The following USH2A variants were observed in gnomAD, a reference collection of about 807,000 sequenced individuals.
USH2A encodes the protein Usher syndrome 2A (autosomal recessive, mild).
In USH2A, 443 loss-of-function variants were observed where a neutral mutation model predicts 538.9. The ratio of observed to expected loss-of-function variants is 0.82; its 90% CI spans 0.76 to 0.89. The LOEUF is 0.89. USH2A is among the 40% of genes least tolerant of loss of function. USH2A has a pLI of 0.00. For missense variants in USH2A, 6,633 were observed against 6,324.8 expected (o/e 1.05, Z -1.65); for synonymous variants, 2,413 against 2,273.5 (o/e 1.06, Z -1.75).
At chr1:216,018,983 A>G (rs538042564) in intron 32 of USH2A, among the ~76,000 whole-genome samples, 79 of 152,272 alleles carry the variant, frequency 5.2e-4, no homozygotes, top group African/African-American at 1.8e-3. Flanking sequence ...ATCAATAGAT[A>G]TTTATTAAAT....
At chr1:215,695,119 T>C (rs1220630364) in intron 61 of USH2A, among the ~76,000 whole-genome samples, 2 of 152,228 alleles carry the variant, frequency 1.3e-5, no homozygotes, top group South Asian at 4.1e-4. Context: ...AGAGAGGTTA[T>C]GAGACATTCT....
chr1:216,186,032 C>G (rs572408313), intron 20 of USH2A, among the ~76,000 whole-genome samples: 1 of 151,528 alleles, frequency 6.6e-6, no homozygotes, highest in South Asian at 2.1e-4. Flanking sequence ...TCTTTTTCTG[C>G]TGGGCAGGTG....
rs915733157 is a variant in USH2A, at chr1:216,168,316, T to C, written c.4627+6936A>G. On this transcript the variant is annotated intron_variant, in intron 21 of 71. Transcript: ENST00000307340. ...TGAAGTCTTTGAAAAGATTCCAAAA[T>C]GCCAACATACTGGCAGAAAAGACAC... 4.6e-5 allele frequency among the ~76,000 whole-genome samples: 7 copies of C among 152,208 alleles called. No individual in the cohort carries two copies. The East Asian group carries it at 1.4e-3, about 29-fold the overall frequency.
intron 30 of USH2A, among the ~76,000 whole-genome samples, chr1:216,053,728 T>A (rs2030877321): frequency 1.3e-5 from 2 of 152,168 alleles, no homozygotes; most frequent in Admixed American, 1.3e-4. Context: ...AGCAGGACCA[T>A]AACTCTCACT....
In USH2A at chr1:216,046,446, TCTC is replaced by T. The variant is rs2030524380; in HGVS notation, c.6307_6309del (p.Glu2103del). 6.2e-7 allele frequency: 1 copy of T among 1,613,462 alleles called. No homozygotes were observed. Among genetic ancestry groups the T allele is most frequent in the Admixed American group, 1.7e-5 (1 of 59,960 alleles). On this transcript the variant is annotated inframe_deletion, in exon 32 of 72. Transcript: ENST00000307340. The stretch of plus-strand genomic sequence containing the variant: ...GAGGTCTTACCTGTGACTATGTAGT[TCTC>T]CTCACTGCCTGAATAGATCAGCCTC...
At chr1:215,777,028 A>G (rs1661486137) in intron 55 of USH2A, among the ~76,000 whole-genome samples, 2 of 152,168 alleles carry the variant, frequency 1.3e-5, no homozygotes. Context: ...CTCTAAATCT[A>G]TTTAAAACAA....
intron 21 of USH2A, among the ~76,000 whole-genome samples, chr1:216,137,369 T>C (rs2033507421): frequency 1.3e-5 from 2 of 152,154 alleles, no homozygotes; most frequent in African/African-American, 4.8e-5. Context: ...TGAAAGGCAC[T>C]TCTTACGTGG....
At position 216,129,538 on chromosome 1, in the gene USH2A, T is replaced by C. The variant is rs112546384; in HGVS notation, c.4628-32325A>G. On this transcript the variant is annotated intron_variant, in intron 21 of 71. Coordinates refer to ENST00000307340, the MANE Select transcript of USH2A (RefSeq NM_206933.4). ...TCTCTAAAATAAAAACAATACAACATTGATGAAAGAAATTGAAAAAGATAT... is the reference window on the plus strand; with the variant it reads ...TCTCTAAAATAAAAACAATACAACACTGATGAAAGAAATTGAAAAAGATAT... 6.4e-3 allele frequency among the ~76,000 whole-genome samples: 980 copies of C among 151,978 alleles called. 12 individuals are homozygous for C. The highest frequency in any genetic ancestry group is 0.022 in the African/African-American group (932 of 41,504).
At chr1:215,829,881 G>A (rs890652137) in intron 47 of USH2A, among the ~76,000 whole-genome samples, 1 of 152,136 alleles carries the variant, frequency 6.6e-6, no homozygotes, top group Non-Finnish European at 1.5e-5. Context: ...GAAAAGGAAA[G>A]TTGCCAAAGG....
At chr1:216,352,396 T>C (rs920355240) in intron 4 of USH2A, among the ~76,000 whole-genome samples, 1 of 152,312 alleles carries the variant, frequency 6.6e-6, no homozygotes, top group Non-Finnish European at 1.5e-5. Flanking sequence ...TAAATGATGT[T>C]AATAGGTCAA....
chr1:215,810,371 C>T (rs539604130), intron 49 of USH2A, among the ~76,000 whole-genome samples: 4 of 152,016 alleles, frequency 2.6e-5, no homozygotes, highest in Admixed American at 1.3e-4. Context: ...ATTGTGCTGT[C>T]GGTTCAAAAT....
At chr1:216,132,086 T>C (rs1486446177) in intron 21 of USH2A, among the ~76,000 whole-genome samples, 1 of 152,044 alleles carries the variant, frequency 6.6e-6, no homozygotes, top group East Asian at 1.9e-4. Flanking sequence ...ACATACAACC[T>C]CTCATTCCTT....
intron 34 of USH2A, 105 bp from the exon 35 acceptor site, chr1:215,993,272 G>A: frequency 6.5e-7 from 1 of 1,540,940 alleles, no homozygotes; most frequent in Non-Finnish European, 8.9e-7. Context: ...TTGTTATATA[G>A]TGCTACCTTT....
chr1:215,897,371 T>C (rs1260064317), intron 40 of USH2A, among the ~76,000 whole-genome samples: 1 of 152,148 alleles, frequency 6.6e-6, no homozygotes, highest in Admixed American at 6.6e-5. Flanking sequence ...TGTAAGACGA[T>C]ATGTGAAATT....
At chr1:216,324,409 T>C in intron 6 of USH2A, 57 bp from the exon 7 acceptor site, 9 of 1,434,760 alleles carry the variant, frequency 6.3e-6, no homozygotes, top group South Asian at 1.3e-5. Context: ...CATCAGTATA[T>C]ATCAAACCAT....
intron 4 of USH2A, among the ~76,000 whole-genome samples, chr1:216,347,370 G>A (rs2038198245): frequency 6.6e-6 from 1 of 151,872 alleles, no homozygotes; most frequent in Admixed American, 6.6e-5. Flanking sequence ...TGATGACCTG[G>A]AATTATATTT....
chr1:215,859,904 A>C (rs1664272502), intron 44 of USH2A, among the ~76,000 whole-genome samples: 1 of 152,170 alleles, frequency 6.6e-6, no homozygotes, highest in East Asian at 1.9e-4. Context: ...CCAGTGTACT[A>C]GTTTTGGAAG....
chr1:216,312,298 G>T (rs1420777331), intron 9 of USH2A, among the ~76,000 whole-genome samples: 1 of 151,816 alleles, frequency 6.6e-6, no homozygotes, highest in African/African-American at 2.4e-5. Flanking sequence ...CTTCAGCCAG[G>T]CTCCTTTTAA....
At chr1:215,827,812 A>G (rs989604632) in intron 47 of USH2A, among the ~76,000 whole-genome samples, 1 of 152,196 alleles carries the variant, frequency 6.6e-6, no homozygotes, top group Non-Finnish European at 1.5e-5. Context: ...GACATTCTGT[A>G]TCCTTCAGCC....
Sources: gnomAD v4.1 joint callset for allele counts (sites outside exome capture counted in the v4.1 genomes callset) on GRCh38, gnomAD v4.1.1 for gene constraint, MANE v1.5 for transcripts, NCBI Gene and HGNC (gene_info 2026-07-23, HGNC 2026-07-21) for gene names.